PPP1R14B: variants seen among roughly 807,000 people sequenced by gnomAD.
PPP1R14B encodes protein phosphatase 1 regulatory inhibitor subunit 14B, also known as protein phosphatase 1 regulatory subunit 14B.
Under a neutral mutation model 14.7 loss-of-function variants are expected in PPP1R14B, and 4 were observed. That is an observed-to-expected ratio of 0.27 (90% CI 0.13 to 0.62). The LOEUF is 0.62. Among genes scored for constraint, PPP1R14B ranks in the 20% least tolerant of loss-of-function variants. The pLI, the probability that PPP1R14B is intolerant of heterozygous loss-of-function variation, is 0.85. For missense variants in PPP1R14B, 138 were observed against 201.5 expected, an observed-to-expected ratio of 0.68 and a Z score of 1.91; for synonymous variants, 76 against 87.3, an observed-to-expected ratio of 0.87 and a Z score of 0.72.
rs2030882202 is a variant in PPP1R14B, at chr11:64,246,482, C to T, written c.192G>A (p.Glu64=). Residue 64 remains glutamate (E), a synonymous_variant, in exon 1 of 4, where the codon GAG becomes GAA. Transcript: ENST00000309318. ...CCTCTAGGTTGAGGCGCTTCCGTAGCTCCTTGCGGTCATACTTGACGGTGA... is the reference window on the plus strand; with the variant it reads ...CCTCTAGGTTGAGGCGCTTCCGTAGTTCCTTGCGGTCATACTTGACGGTGA... ...GKVTVKYDRK[E]LRKRLNLEEW... 6.2e-7 allele frequency: 1 copy of T among 1,610,188 alleles called. No individual in the cohort carries two copies. The highest frequency in any genetic ancestry group is 8.5e-7 in the Non-Finnish European group (1 of 1,179,254).
At chr11:64,245,017 AG>A in intron 2 of PPP1R14B, 55 bp from the exon 3 acceptor site, 1 of 1,549,528 alleles carries the variant, frequency 6.5e-7, no homozygotes, top group East Asian at 2.3e-5. Context: ...GGGGGCCTGG[AG>A]CTCGCCTATA....
At chr11:64,246,215 G>A in intron 1 of PPP1R14B, 1 of 674,970 alleles carries the variant, frequency 1.5e-6, no homozygotes, top group Non-Finnish European at 2.4e-6. Flanking sequence ...GGGGGGCAGG[G>A]TCCGAGGCAA....
Position 64,246,894 on chromosome 11 carries a change from C to G in PPP1R14B, c.-221G>C, listed in dbSNP as rs904208708. On this transcript the variant is annotated 5_prime_UTR_variant, in exon 1 of 4. Transcript: ENST00000309318. ...CCCGCCGATCCGCCCGCCCTTTGTC[C>G]CCCGCGGCCGCCGCCCGAGCTGCAG... 1.6e-5 allele frequency: 3 copies of G among 193,084 alleles called. No individual in the cohort carries two copies. The highest frequency in any genetic ancestry group is 2.8e-5 in the Non-Finnish European group (3 of 107,690). The allele number at this position is 193,084 out of a possible 1,614,324, so 12.0% of individuals were successfully genotyped here.
rs770267293 is a variant in PPP1R14B at position 64,246,559 on chromosome 11, C to G, written c.115G>C (p.Glu39Gln). The G allele has an allele frequency of 1.6e-5, 26 of 1,607,134 alleles. No individual in the cohort carries two copies. In the South Asian group the frequency reaches 2.9e-4, roughly 18 times the overall value. ...YFQSPPGAAGEGPGGADDEGP... is the reference protein window; with the variant it reads ...YFQSPPGAAGQGPGGADDEGP... Reference sequence around the variant, plus strand: ...TCATCGTCCGCCCCGCCCGGGCCCTCTCCTGCGGCCCCGGGGGGGCTCTGA... The same window carrying G: ...TCATCGTCCGCCCCGCCCGGGCCCTGTCCTGCGGCCCCGGGGGGGCTCTGA... Residue 39 changes from glutamate to glutamine, a missense_variant, in exon 1 of 4, where the codon GAG becomes CAG. This residue lies in a region of PPP1R14B where 32 missense variants were observed against 18.1 expected (regional missense o/e 1.77). Transcript: ENST00000309318.
chr11:64,244,586 A>G lies in PPP1R14B; in HGVS notation c.*168T>C, dbSNP rs545559153. On this transcript the variant is annotated 3_prime_UTR_variant, in exon 4 of 4. Coordinates refer to ENST00000309318, the MANE Select transcript of PPP1R14B (RefSeq NM_138689.3). ...GTTTAATAACAATAAAAAACCCCAA[A>G]AGTGGAAAACTGAGGGGGCAGGGGA... The G allele has an allele frequency of 7.2e-7, 1 of 1,397,848 alleles. No individual in the cohort carries two copies. Among genetic ancestry groups the G allele is most frequent in the Non-Finnish European group, 9.6e-7 (1 of 1,044,728 alleles). 86.6% of individuals were successfully genotyped at this position (1,397,848 alleles called of 1,614,324 possible). A position where few individuals can be genotyped will look rare whatever the true frequency, so the allele number is the denominator to read the frequency against.
intron 1 of PPP1R14B, chr11:64,245,513 G>A: frequency 2.0e-6 from 1 of 511,046 alleles, no homozygotes. Context: ...CAGTGGGCAC[G>A]GGGGGTGACA....
chr11:64,244,995 G>A, intron 2 of PPP1R14B, 33 bp from the exon 3 acceptor site: 1 of 1,592,100 alleles, frequency 6.3e-7, no homozygotes, highest in South Asian at 1.1e-5. Flanking sequence ...GGATAAGTGA[G>A]TCCTCAGGAG....
At chr11:64,246,365 C>T (rs374348645) in intron 1 of PPP1R14B, 51 bp downstream of exon 1, 1 of 1,561,058 alleles carries the variant, frequency 6.4e-7, no homozygotes, top group Non-Finnish European at 8.7e-7. Flanking sequence ...AGCTGCCAGG[C>T]GGACCGGCGC....
intron 1 of PPP1R14B, chr11:64,245,518 G>T (rs1315536976): frequency 7.8e-6 from 4 of 511,694 alleles, no homozygotes; most frequent in East Asian, 6.6e-5. Flanking sequence ...GGCACGGGGG[G>T]TGACAGACAA....
At chr11:64,245,103 C>G in intron 2 of PPP1R14B, 101 bp downstream of exon 2, 2 of 1,483,488 alleles carry the variant, frequency 1.3e-6, no homozygotes, top group Admixed American at 3.8e-5. Flanking sequence ...GCATTGGCCC[C>G]ATTCTGTTGA....
chr11:64,245,582 C>T, intron 1 of PPP1R14B: 1 of 395,820 alleles, frequency 2.5e-6, no homozygotes, highest in Non-Finnish European at 4.5e-6. Flanking sequence ...AGATGTGTCT[C>T]CCCAACATCC....
At position 64,246,797 on chromosome 11, in the gene PPP1R14B, C is replaced by A; in HGVS notation, c.-124G>T. ...CCGCGCGGCTCCGCGGCGAGGGCGGCGGCGGGGGCGCCCGGGGGCAGCTGC... is the reference window on the plus strand; with the variant it reads ...CCGCGCGGCTCCGCGGCGAGGGCGGAGGCGGGGGCGCCCGGGGGCAGCTGC... On this transcript the variant is annotated 5_prime_UTR_variant, in exon 1 of 4. Transcript: ENST00000309318. 1 of 842,966 alleles carries A rather than the reference C, an allele frequency of 1.2e-6. No individual in the cohort carries two copies. The highest frequency in any genetic ancestry group is 1.4e-6 in the Non-Finnish European group (1 of 703,790). The allele number at this position is 842,966 out of a possible 1,614,324, so 52.2% of individuals were successfully genotyped here. A position where few individuals can be genotyped will look rare whatever the true frequency, so the allele number is the denominator to read the frequency against.
Position 64,245,303 on chromosome 11 carries a change from G to A in PPP1R14B, c.259-16C>T, listed in dbSNP as rs781250403. 2.7e-6 allele frequency: 4 copies of A among 1,478,148 alleles called. No homozygotes were observed. The highest frequency in any genetic ancestry group is 3.8e-6 in the Non-Finnish European group (4 of 1,056,944). The allele number at this position is 1,478,148 out of a possible 1,614,324, so 91.6% of individuals were successfully genotyped here. Reference sequence around the variant, plus strand: ...TCTCCTCTTCCTGGGGTGGGGGTGGGGGAGGAGGGAGAGACATAAGCCTGA... The same window carrying A: ...TCTCCTCTTCCTGGGGTGGGGGTGGAGGAGGAGGGAGAGACATAAGCCTGA... On this transcript the variant is annotated splice_polypyrimidine_tract_variant and intron_variant, in intron 1 of 3. Transcript: ENST00000309318.
chr11:64,246,566 G>C lies in PPP1R14B; in HGVS notation c.108C>G (p.Ala36=). ...CCGCCCCGCCCGGGCCCTCTCCTGC[G>C]GCCCCGGGGGGGCTCTGAAAGTAGA... ...PRVYFQSPPG[A]AGEGPGGADD... Residue 36 remains alanine, a synonymous_variant, in exon 1 of 4, where the codon GCC becomes GCG. Transcript: ENST00000309318. 1 of 1,604,340 alleles carries C rather than the reference G, an allele frequency of 6.2e-7. No individual in the cohort carries two copies. The highest frequency in any genetic ancestry group is 8.5e-7 in the Non-Finnish European group (1 of 1,176,942).
chr11:64,246,271 T>C (rs1204064513), intron 1 of PPP1R14B, 145 bp downstream of exon 1: 23 of 1,086,340 alleles, frequency 2.1e-5, no homozygotes, highest in Admixed American at 4.9e-5. Context: ...AGAGTATATA[T>C]TGGGGGCGGG....
Position 64,244,656 on chromosome 11 carries a change from C to G in PPP1R14B, c.*98G>C. The G allele has an allele frequency of 1.3e-6, 2 of 1,551,652 alleles. No individual in the cohort carries two copies. Among genetic ancestry groups the G allele is most frequent in the Non-Finnish European group, 8.8e-7 (1 of 1,135,960 alleles). On this transcript the variant is annotated 3_prime_UTR_variant, in exon 4 of 4. Coordinates refer to ENST00000309318, the MANE Select transcript of PPP1R14B (RefSeq NM_138689.3). The stretch of plus-strand genomic sequence containing the variant: ...GCACGAGGAGCCCTGCTCATGGCAC[C>G]AGGCCTGGCCGCAGGGTCCCCCGGT...
At chr11:64,244,847 T>G (rs757637439) in intron 3 of PPP1R14B, 25 bp from the exon 4 acceptor site, 3 of 1,613,854 alleles carry the variant, frequency 1.9e-6, no homozygotes, top group Non-Finnish European at 2.5e-6. Context: ...AGGGTAAACA[T>G]TAAGGAGACC....
intron 1 of PPP1R14B, 137 bp from the exon 2 acceptor site, chr11:64,245,424 C>T (rs1372564067): frequency 1.4e-6 from 1 of 696,514 alleles, no homozygotes; most frequent in African/African-American, 1.8e-5. Context: ...AGCAGCTGCT[C>T]TGGGGAGGAA....
At position 64,244,528 on chromosome 11, in the gene PPP1R14B, A is replaced by C. The variant is rs2030789107; in HGVS notation, c.*226T>G. 1 of 1,281,500 alleles carries C rather than the reference A, an allele frequency of 7.8e-7. No individual in the cohort carries two copies. The allele number at this position is 1,281,500 out of a possible 1,614,324, so 79.4% of individuals were successfully genotyped here. ...AGCTTTATTAAAGGGCCCGCGCCGCAGAGTCAATATAAAAACACAAAAAGT... is the reference window on the plus strand; with the variant it reads ...AGCTTTATTAAAGGGCCCGCGCCGCCGAGTCAATATAAAAACACAAAAAGT... On this transcript the variant is annotated 3_prime_UTR_variant, in exon 4 of 4. Coordinates refer to ENST00000309318, the MANE Select transcript of PPP1R14B (RefSeq NM_138689.3).
Sources: allele counts gnomAD v4.1 joint callset, GRCh38; gene constraint gnomAD v4.1.1; regional missense constraint gnomAD v4.1.1; transcripts MANE v1.5; gene names NCBI Gene and HGNC (gene_info 2026-07-23, HGNC 2026-07-21).